The following CSMD1 variants were observed in gnomAD, a reference collection of about 807,000 sequenced individuals.
The protein encoded by CSMD1 is CUB and sushi domain-containing protein 1.
In CSMD1, 213 loss-of-function variants were observed where a neutral mutation model predicts 417.5. That is an observed-to-expected ratio of 0.51 (90% confidence interval 0.46 to 0.57). CSMD1 has a LOEUF of 0.57. Among genes scored for constraint, CSMD1 ranks in the 20% least tolerant of loss-of-function variants. The pLI is 0.00. For synonymous variants in CSMD1, 2,862 were observed against 1,736.8 expected, an observed-to-expected ratio of 1.65 and a Z score of -16.11; for missense variants, 6,923 against 4,529.7, an observed-to-expected ratio of 1.53 and a Z score of -15.17.
chr8:4,498,766 A>G (rs1288187213), intron 2 of CSMD1, among the ~76,000 whole-genome samples: 2 of 152,168 alleles, frequency 1.3e-5, no homozygotes, highest in Admixed American at 1.3e-4. Context: ...TTCATTTTAT[A>G]GAAGAGGATG....
At chr8:4,066,010 A>C (rs994859772) in intron 3 of CSMD1, among the ~76,000 whole-genome samples, 1 of 152,202 alleles carries the variant, frequency 6.6e-6, no homozygotes, top group East Asian at 1.9e-4. Context: ...TTCTCCACGA[A>C]TATCCTTGGA....
intron 3 of CSMD1, among the ~76,000 whole-genome samples, chr8:4,233,814 T>C (rs574928190): frequency 3.9e-4 from 59 of 152,246 alleles, no homozygotes; most frequent in African/African-American, 1.3e-3. Flanking sequence ...TTCATGAAAT[T>C]TCATTTGAGT....
chr8:3,390,578 T>G (rs1585093980), intron 17 of CSMD1, among the ~76,000 whole-genome samples: 1 of 151,996 alleles, frequency 6.6e-6, no homozygotes, highest in African/African-American at 2.4e-5. Flanking sequence ...ACGTGTATAT[T>G]CAGAGTCTGT....
chr8:3,255,925 G>T (rs1338048210), intron 26 of CSMD1, among the ~76,000 whole-genome samples: 1 of 152,132 alleles, frequency 6.6e-6, no homozygotes, highest in Non-Finnish European at 1.5e-5. Context: ...TACCTCAGTT[G>T]GAAATGCAGA....
rs567015851 is a variant in CSMD1, at chr8:3,096,921, T to C, written c.7066A>G (p.Asn2356Asp). The C allele has an allele frequency of 7.1e-6, 11 of 1,556,752 alleles. No individual in the cohort carries two copies. The African/African-American group carries it at 1.1e-4, about 15-fold the overall frequency. ...TCSWSIKVEP[N>D]YNITIFVDTF... The stretch of plus-strand genomic sequence containing the variant: ...TCCACAAAGATGGTAATGTTGTAGT[T>C]TGGTTCCACTTTAATACTCCAAGAG... The change falls in exon 47 of 70, where the codon AAC becomes GAC. Residue 2356 changes from asparagine (N) to aspartate (D), a missense_variant. Physicochemically the swap from Asn to Asp is conservative, Grantham distance 23 (BLOSUM62 1). Coordinates refer to ENST00000635120, the MANE Select transcript of CSMD1 (RefSeq NM_033225.6).
At chr8:4,124,924 C>T (rs1041721482) in intron 3 of CSMD1, among the ~76,000 whole-genome samples, 1 of 152,110 alleles carries the variant, frequency 6.6e-6, no homozygotes, top group Non-Finnish European at 1.5e-5. Context: ...GACACCCAAG[C>T]CAGAAACAGC....
At chr8:4,226,646 T>C (rs1313615352) in intron 3 of CSMD1, among the ~76,000 whole-genome samples, 2 of 152,152 alleles carry the variant, frequency 1.3e-5, no homozygotes, top group Non-Finnish European at 2.9e-5. Flanking sequence ...AACAAAATAA[T>C]TACAGTATAA....
chr8:4,166,335 C>T (rs993185704), intron 3 of CSMD1, among the ~76,000 whole-genome samples: 1 of 152,010 alleles, frequency 6.6e-6, no homozygotes, highest in Non-Finnish European at 1.5e-5. Context: ...CTATAAAAGA[C>T]CATACGTATT....
intron 1 of CSMD1, among the ~76,000 whole-genome samples, chr8:4,696,366 G>C (rs982388677): frequency 2.6e-5 from 4 of 152,064 alleles, no homozygotes; most frequent in Admixed American, 1.3e-4. Context: ...TATAAACTAA[G>C]GCCTACCTCT....
At chr8:4,680,956 G>GTC (rs1305762864) in intron 1 of CSMD1, among the ~76,000 whole-genome samples, 1 of 94,958 alleles carries the variant, frequency 1.1e-5, no homozygotes, top group East Asian at 3.6e-4. Flanking sequence ...ATTGATGTGT[G>GTC]TGTGTGTGTG....
intron 46 of CSMD1, among the ~76,000 whole-genome samples, chr8:3,098,828 G>A (rs1329274373): frequency 2.0e-5 from 3 of 152,078 alleles, no homozygotes; most frequent in Non-Finnish European, 2.9e-5. Context: ...TGGCTCTGAC[G>A]TGTAAGTACA....
At chr8:4,677,698 G>A (rs565444914) in intron 1 of CSMD1, among the ~76,000 whole-genome samples, 27 of 152,148 alleles carry the variant, frequency 1.8e-4, no homozygotes, top group South Asian at 6.2e-4. Context: ...TTGACTCACC[G>A]TTAGATGCAG....
chr8:4,827,648 G>C (rs1018012828), intron 1 of CSMD1, among the ~76,000 whole-genome samples: 58 of 152,180 alleles, frequency 3.8e-4, no homozygotes, highest in African/African-American at 1.3e-3. Flanking sequence ...GGAATTCCCA[G>C]CTTCTCGAAA....
intron 11 of CSMD1, among the ~76,000 whole-genome samples, chr8:3,486,938 C>G (rs967354587): frequency 1.3e-5 from 2 of 152,150 alleles, no homozygotes; most frequent in African/African-American, 4.8e-5. Context: ...GTACTAATGA[C>G]GAAGGTTGGG....
intron 37 of CSMD1, among the ~76,000 whole-genome samples, chr8:3,177,258 C>T (rs1820999418): frequency 6.6e-6 from 1 of 152,140 alleles, no homozygotes; most frequent in African/African-American, 2.4e-5. Flanking sequence ...GGGAGTGTGC[C>T]CTTCCACCCA....
chr8:4,219,235 C>T (rs1800873272), intron 3 of CSMD1, among the ~76,000 whole-genome samples: 1 of 152,186 alleles, frequency 6.6e-6, no homozygotes, highest in African/African-American at 2.4e-5. Context: ...TTTACCACTC[C>T]ATCTGCTAAA....
intron 2 of CSMD1, among the ~76,000 whole-genome samples, chr8:4,516,978 C>T (rs939873322): frequency 6.6e-6 from 1 of 151,954 alleles, no homozygotes; most frequent in Non-Finnish European, 1.5e-5. Context: ...AAGATGAAAA[C>T]GCTAAGAGCA....
Position 4,296,841 on chromosome 8 carries a change from CCTG to C in CSMD1, c.415+123109_415+123111del, listed in dbSNP as rs1188728368. Among the ~76,000 whole-genome samples, 8 of 151,750 alleles carry C rather than the reference CCTG, an allele frequency of 5.3e-5. No individual in the cohort carries two copies. In the South Asian group the frequency reaches 8.4e-4, roughly 16 times the overall value. On this transcript the variant is annotated intron_variant, in intron 3 of 69. Transcript: ENST00000635120. ...TTCATCTGAAGATATCTGTGGAGGG[CCTG>C]CTATCTCCCAGACTTGTCTTAGACT... is the stretch of plus-strand genomic sequence containing the variant.
intron 3 of CSMD1, among the ~76,000 whole-genome samples, chr8:4,341,357 A>C (rs986285813): frequency 3.3e-5 from 5 of 152,158 alleles, no homozygotes; most frequent in South Asian, 2.1e-4. Flanking sequence ...TCTGAGATTC[A>C]TATTCACTAT....
Sources: allele counts gnomAD v4.1 joint callset (sites outside exome capture counted in the v4.1 genomes callset), GRCh38; gene constraint gnomAD v4.1.1; transcripts MANE v1.5; gene names NCBI Gene and HGNC (gene_info 2026-07-23, HGNC 2026-07-21).